Variants in ADAM9 observed in about 807,000 individuals in gnomAD.
ADAM9 encodes the protein disintegrin and metalloproteinase domain-containing protein 9.
A neutral mutation model predicts 108.1 loss-of-function variants in ADAM9; 54 were observed. The ratio of observed to expected loss-of-function variants is 0.50; its 90% confidence interval spans 0.40 to 0.63. The LOEUF is 0.63. ADAM9 is among the 20% of genes least tolerant of loss of function. The pLI is 0.00. For synonymous variants in ADAM9, 316 were observed against 336.0 expected (o/e 0.94, Z 0.65); for missense variants, 830 against 997.7 (o/e 0.83, Z 2.26).
At chr8:39,022,610 C>T (rs941943017) in intron 8 of ADAM9, among the ~76,000 whole-genome samples, 1 of 152,108 alleles carries the variant, frequency 6.6e-6, no homozygotes, top group East Asian at 1.9e-4. Context: ...ACTTAATTTC[C>T]AGAGTTTGTC....
At chr8:39,071,494 G>A in intron 15 of ADAM9, 91 bp downstream of exon 15, 1 of 1,155,904 alleles carries the variant, frequency 8.7e-7, no homozygotes, top group Non-Finnish European at 1.2e-6. Context: ...TTGAGACGGA[G>A]TCTTGCTCTG....
chr8:39,086,600 G>A (rs1167242589), intron 18 of ADAM9, among the ~76,000 whole-genome samples: 1 of 152,026 alleles, frequency 6.6e-6, no homozygotes, highest in Non-Finnish European at 1.5e-5. Flanking sequence ...TGTCATATGG[G>A]TAATTTCTCA....
chr8:39,023,332 A>ATT lies in ADAM9; in HGVS notation c.914+16_914+17dup, dbSNP rs556298911. ...ACAGTGCACAGCTAGTTCTGTAAGT[A>ATT]TTTTTTTTTTAAGTACTATTAATGA... On this transcript the variant is annotated splice_region_variant and intron_variant, in intron 9 of 21. Coordinates refer to ENST00000487273, the MANE Select transcript of ADAM9 (RefSeq NM_003816.3). The ATT allele has an allele frequency of 4.1e-6, 6 of 1,469,574 alleles. No individual in the cohort carries two copies. In the East Asian group the frequency reaches 1.0e-4, roughly 25 times the overall value. 91.0% of individuals were successfully genotyped at this position (1,469,574 alleles called of 1,614,324 possible).
chr8:39,020,146 G>A (rs1374625902), intron 7 of ADAM9, among the ~76,000 whole-genome samples: 1 of 152,160 alleles, frequency 6.6e-6, no homozygotes, highest in Non-Finnish European at 1.5e-5. Flanking sequence ...TTAGCCGGGC[G>A]TGGTGGCGGG....
intron 7 of ADAM9, among the ~76,000 whole-genome samples, chr8:39,019,424 TAAG>T (rs1484501022): frequency 1.3e-5 from 2 of 152,220 alleles, no homozygotes; most frequent in Non-Finnish European, 2.9e-5. Context: ...TATTTATACT[TAAG>T]AAACTGAACT....
At chr8:39,006,752 G>C (rs778855696) in intron 1 of ADAM9, among the ~76,000 whole-genome samples, 1 of 151,980 alleles carries the variant, frequency 6.6e-6, no homozygotes, top group Non-Finnish European at 1.5e-5. Context: ...CCCTGCTTAA[G>C]ACATCATGAT....
chr8:39,097,707 A>G (rs1476896227), intron 20 of ADAM9, among the ~76,000 whole-genome samples: 1 of 152,212 alleles, frequency 6.6e-6, no homozygotes, highest in Non-Finnish European at 1.5e-5. Context: ...CCATACACCA[A>G]TTAAATTAAT....
At chr8:39,005,145 A>G (rs1045604037) in intron 1 of ADAM9, among the ~76,000 whole-genome samples, 1 of 152,114 alleles carries the variant, frequency 6.6e-6, no homozygotes, top group African/African-American at 2.4e-5. Context: ...TAGAGGGACA[A>G]AGATCTATCT....
At chr8:39,008,041 C>A in intron 2 of ADAM9, 58 bp downstream of exon 2, 1 of 1,289,526 alleles carries the variant, frequency 7.8e-7, no homozygotes, top group Non-Finnish European at 1.1e-6. Flanking sequence ...TCTGTTTTAG[C>A]ACAAAGGTGT....
At chr8:39,048,865 C>G (rs966336134) in intron 12 of ADAM9, among the ~76,000 whole-genome samples, 2 of 151,062 alleles carry the variant, frequency 1.3e-5, no homozygotes, top group Non-Finnish European at 3.0e-5. Flanking sequence ...CATAGAGTCT[C>G]TTTTCTTTGA....
intron 11 of ADAM9, among the ~76,000 whole-genome samples, chr8:39,034,852 G>C (rs1333951214): frequency 1.3e-5 from 2 of 151,592 alleles, no homozygotes; most frequent in African/African-American, 4.8e-5. Context: ...GTTGTAGAAA[G>C]AAAAAAATAT....
chr8:39,037,080 G>A (rs192992648), intron 11 of ADAM9, among the ~76,000 whole-genome samples: 64 of 86,376 alleles, frequency 7.4e-4, no homozygotes, highest in Middle Eastern at 0.012. Flanking sequence ...TTTTTGAGAC[G>A]GAGTCTCGCT....
At position 39,040,048 on chromosome 8, in the gene ADAM9, A is replaced by G. The variant is rs980996549; in HGVS notation, c.1131-1898A>G. On this transcript the variant is annotated intron_variant, in intron 11 of 21. Coordinates refer to ENST00000487273, the MANE Select transcript of ADAM9 (RefSeq NM_003816.3). ...CTCACTAGCACTTGTCATCTCTTTT[A>G]TTTATTTATTTATTTATTTGAGACA... is the stretch of plus-strand genomic sequence containing the variant. 1.2e-4 allele frequency among the ~76,000 whole-genome samples: 18 copies of G among 151,498 alleles called. 1 individual carries two copies.
chr8:39,055,825 T>C (rs1448648039), intron 14 of ADAM9, 53 bp downstream of exon 14: 1 of 1,527,116 alleles, frequency 6.5e-7, no homozygotes, highest in Non-Finnish European at 8.9e-7. Context: ...ATTTTTGATT[T>C]AGATATTTTA....
rs778643697 is a variant in ADAM9, at chr8:39,025,784, C to T, written c.915-19C>T. 1.7e-5 allele frequency: 28 copies of T among 1,610,140 alleles called. 1 individual carries two copies. The South Asian group carries it at 2.9e-4, about 16-fold the overall frequency. On this transcript the variant is annotated intron_variant, in intron 9 of 21. Transcript: ENST00000487273. ...TTTTTTCCCCAAGAACATTTTTTAACTTTTACATTTTCATTTAGAAAGAAA... is the reference window on the plus strand; with the variant it reads ...TTTTTTCCCCAAGAACATTTTTTAATTTTTACATTTTCATTTAGAAAGAAA...
At chr8:39,041,834 C>G in intron 11 of ADAM9, 112 bp from the exon 12 acceptor site, 1 of 966,528 alleles carries the variant, frequency 1.0e-6, no homozygotes, top group Non-Finnish European at 1.6e-6. Flanking sequence ...CTTTTATTAG[C>G]TTCTTTTCTG....
chr8:39,049,249 G>A (rs1444018669), intron 12 of ADAM9, among the ~76,000 whole-genome samples: 2 of 151,228 alleles, frequency 1.3e-5, no homozygotes. Flanking sequence ...CCTTCTATAG[G>A]TATTTGTTTA....
chr8:39,104,063 A>G lies in ADAM9; in HGVS notation c.*363A>G, dbSNP rs796345130. ...CATTAAGTGTTTAAGTGTTATTCTG[A>G]ATTTTCTACCTTAGTTATCATTAAT... On this transcript the variant is annotated 3_prime_UTR_variant, in exon 22 of 22. Transcript: ENST00000487273. 44 of 470,698 alleles carry G rather than the reference A, an allele frequency of 9.3e-5. 1 individual carries two copies. The highest frequency in any genetic ancestry group is 8.6e-4 in the African/African-American group (44 of 50,910). The allele number at this position is 470,698 out of a possible 1,614,324, so 29.2% of individuals were successfully genotyped here.
At chr8:39,001,448 G>A (rs1835989237) in intron 1 of ADAM9, among the ~76,000 whole-genome samples, 1 of 152,162 alleles carries the variant, frequency 6.6e-6, no homozygotes. Context: ...TACCGTCCTT[G>A]ATCTCAAAGA....
Sources: gnomAD v4.1 joint callset for allele counts (sites outside exome capture counted in the v4.1 genomes callset) on GRCh38, gnomAD v4.1.1 for gene constraint, MANE v1.5 for transcripts, NCBI Gene and HGNC (gene_info 2026-07-23, HGNC 2026-07-21) for gene names.